Variants in PLAC1 observed in about 807,000 individuals in gnomAD.
PLAC1 encodes the protein placenta associated 1, also known as placenta-specific protein 1.
For missense variants in PLAC1, 136 were observed against 163.2 expected, an observed-to-expected ratio of 0.83 and a Z score of 0.91; for synonymous variants, 68 against 62.1, an observed-to-expected ratio of 1.09 and a Z score of -0.44.
intron 2 of PLAC1, among the ~76,000 whole-genome samples, chrX:134,731,696 G>A (rs2078689301): frequency 1.8e-5 from 2 of 111,351 alleles, no homozygotes; most frequent in Non-Finnish European, 3.8e-5. Flanking sequence ...GCATTGGGAA[G>A]CTCTGCCCCT....
At chrX:134,747,664 G>A (rs1336024000) in intron 1 of PLAC1, among the ~76,000 whole-genome samples, 1 of 111,609 alleles carries the variant, frequency 9.0e-6, no homozygotes, top group African/African-American at 3.3e-5. Flanking sequence ...TGGTGGTCCT[G>A]TGAGCAGATG....
intron 1 of PLAC1, among the ~76,000 whole-genome samples, chrX:134,761,416 A>T (rs1008705625): frequency 1.8e-5 from 2 of 112,041 alleles, no homozygotes; most frequent in Admixed American, 1.9e-4. Context: ...AGAACCCCCA[A>T]ATCATCCCTG....
At chrX:134,676,032 G>C (rs924838170) in intron 2 of PLAC1, among the ~76,000 whole-genome samples, 11 of 112,181 alleles carry the variant, frequency 9.8e-5, no homozygotes, top group Non-Finnish European at 1.3e-4. Flanking sequence ...TGTGACTCAA[G>C]TCATAATTTA....
intron 1 of PLAC1, among the ~76,000 whole-genome samples, chrX:134,644,739 G>C (rs2078324448): frequency 1.8e-5 from 2 of 110,695 alleles, no homozygotes; most frequent in Non-Finnish European, 1.9e-5. Context: ...GAAGACTCTT[G>C]GACTCTTCCT....
rs192250731 is a variant in PLAC1, at chrX:134,755,580, C to G, written n.89+8654G>C. Among the ~76,000 whole-genome samples the G allele has an allele frequency of 6.3e-5, 7 of 111,454 alleles. No individual in the cohort carries two copies. In the East Asian group the frequency reaches 1.7e-3, roughly 27 times the overall value. On this transcript the variant is annotated intron_variant and non_coding_transcript_variant, in intron 1 of 2. Coordinates refer to the PLAC1 transcript ENST00000466797. ...GCATTGCTCCTCCTCTCCAAATGAT[C>G]CAGATGGTCAAGTTGACTGTGTATT... is the stretch of plus-strand genomic sequence containing the variant.
intron 1 of PLAC1, among the ~76,000 whole-genome samples, chrX:134,611,630 C>T (rs1294916241): frequency 9.2e-6 from 1 of 108,329 alleles, no homozygotes; most frequent in African/African-American, 3.4e-5. Context: ...TATCTAGAAA[C>T]CCAAGAGGTG....
intron 1 of PLAC1, among the ~76,000 whole-genome samples, chrX:134,754,758 C>CTTTTTTTTTTTTTTTTTTTTTTTGTTTT (rs760098539): frequency 1.5e-5 from 1 of 66,164 alleles, no homozygotes; most frequent in Non-Finnish European, 2.6e-5. Context: ...ATTTATTGTT[C>CTTTTTTTTTTTTTTTTTTTTTTTGTTTT]TTTTTTTTTT....
intron 2 of PLAC1, among the ~76,000 whole-genome samples, chrX:134,707,984 T>G (rs1279096096): frequency 8.9e-6 from 1 of 111,791 alleles, no homozygotes. Flanking sequence ...GACATAACTC[T>G]AAAAATCCTG....
Position 134,566,218 on chromosome X carries a change from G to A in PLAC1, c.465C>T (p.Ser155=). Residue 155 remains serine (S), a synonymous_variant, in exon 3 of 3, where the codon TCC becomes TCT. Transcript: ENST00000359237. The stretch of plus-strand genomic sequence containing the variant: ...GACAATCGCAGTTGGGCCTTTGACT[G>A]GACTGTGACAAGCTGAACACCTCGT... The part of the protein sequence containing the change: ...KCYEVFSLSQ[S]SQRPNCDCPP... The A allele has an allele frequency of 8.3e-7, 1 of 1,211,506 alleles. No individual in the cohort carries two copies. Among genetic ancestry groups the A allele is most frequent in the Non-Finnish European group, 1.1e-6 (1 of 895,240 alleles).
chrX:134,729,376 A>G (rs2078682288), intron 2 of PLAC1, among the ~76,000 whole-genome samples: 1 of 112,184 alleles, frequency 8.9e-6, no homozygotes, highest in East Asian at 2.8e-4. Context: ...TGAATTATGT[A>G]CTATACTTAT....
chrX:134,669,033 GGT>G (rs1044155886), intron 2 of PLAC1, among the ~76,000 whole-genome samples: 6 of 112,452 alleles, frequency 5.3e-5, no homozygotes, highest in Non-Finnish European at 1.1e-4. Context: ...TGGCCTTTGT[GGT>G]TCCTGGAAAT....
At chrX:134,722,423 G>A (rs999928505) in intron 2 of PLAC1, among the ~76,000 whole-genome samples, 4 of 112,326 alleles carry the variant, frequency 3.6e-5, no homozygotes, top group Non-Finnish European at 5.6e-5. Context: ...AAATAAGCCA[G>A]ACACAAAAGG....
chrX:134,723,292 G>A (rs759476116), intron 2 of PLAC1, among the ~76,000 whole-genome samples: 2 of 107,626 alleles, frequency 1.9e-5, no homozygotes, highest in Non-Finnish European at 3.8e-5. Flanking sequence ...TACCTTTTAG[G>A]TATAAAATTG....
rs752784012 is a variant in PLAC1 at position 134,706,567 on chromosome X, A to G, written n.174+26868T>C. On this transcript the variant is annotated intron_variant and non_coding_transcript_variant, in intron 2 of 2. Transcript: ENST00000466797. ...AAAAACCAGGAAAATCTCAATTTGA[A>G]TGAGAAAAGACATTCAACAGATGCC... is the stretch of plus-strand genomic sequence containing the variant. Among the ~76,000 whole-genome samples, 3 of 112,496 alleles carry G rather than the reference A, an allele frequency of 2.7e-5. No individual in the cohort carries two copies. In the South Asian group the frequency reaches 1.1e-3, roughly 41 times the overall value.
chrX:134,750,881 AAATATATATATATATATT>A, intron 1 of PLAC1, among the ~76,000 whole-genome samples: 1 of 16,325 alleles, frequency 6.1e-5, no homozygotes, highest in African/African-American at 5.6e-4. Flanking sequence ...ATATATTTAT[AAATATATATATATATATT>A]TATATATATA....
intron 2 of PLAC1, among the ~76,000 whole-genome samples, chrX:134,673,530 T>TTA (rs1556131561): frequency 1.2e-4 from 13 of 110,448 alleles, no homozygotes; most frequent in African/African-American, 4.0e-4. Flanking sequence ...TTTTTTTTTT[T>TTA]AATAAATGGA....
intron 1 of PLAC1, among the ~76,000 whole-genome samples, chrX:134,647,410 CTG>C (rs200761671): frequency 0.49 from 44,274 of 89,568 alleles, 10,353 homozygotes; most frequent in Non-Finnish European, 0.65. Context: ...ATGCATGCAT[CTG>C]TGTGTGTGTG....
At chrX:134,726,734 A>C (rs922654832) in intron 2 of PLAC1, among the ~76,000 whole-genome samples, 3 of 104,474 alleles carry the variant, frequency 2.9e-5, no homozygotes, top group Non-Finnish European at 5.9e-5. Flanking sequence ...GAGGCAGGGG[A>C]ATCACTTGAA....
In PLAC1 at chrX:134,630,273, A is replaced by T. The variant is rs1177324661; in HGVS notation, c.-131+28055T>A. 4.5e-5 allele frequency among the ~76,000 whole-genome samples: 5 copies of T among 111,924 alleles called. No homozygotes were observed. The East Asian group carries it at 1.1e-3, about 25-fold the overall frequency. On this transcript the variant is annotated intron_variant, in intron 1 of 2. Transcript: ENST00000359237. ...GGCGTGAGCCACCACGCCTGGCCTCACTTATTATTTATTTCTAATAATCAA... is the reference window on the plus strand; with the variant it reads ...GGCGTGAGCCACCACGCCTGGCCTCTCTTATTATTTATTTCTAATAATCAA...
Sources: allele counts gnomAD v4.1 joint callset (sites outside exome capture counted in the v4.1 genomes callset), GRCh38; gene constraint gnomAD v4.1.1; transcripts MANE v1.5; gene names NCBI Gene and HGNC (gene_info 2026-07-23, HGNC 2026-07-21).